CUX2: variants seen among roughly 807,000 people sequenced by gnomAD.
The protein encoded by CUX2 is homeobox protein cut-like 2.
Under a neutral mutation model 144.8 loss-of-function variants are expected in CUX2, and 40 were observed. The observed-to-expected ratio is 0.28, with a 90% CI of 0.21 to 0.36. The LOEUF is 0.36. Among genes scored for constraint, CUX2 ranks in the 10% least tolerant of loss-of-function variants. The probability of loss-of-function intolerance (pLI) is 1.00; values close to 1 mark genes in which losing one functional copy is unlikely to be tolerated. For missense variants in CUX2, 1,615 were observed against 1,994.0 expected, an observed-to-expected ratio of 0.81 and a Z score of 3.62; for synonymous variants, 827 against 875.6, an observed-to-expected ratio of 0.94 and a Z score of 0.98.
rs183164224 is a variant in CUX2, at chr12:111,282,349, G to A, written c.302-9069G>A. Among the ~76,000 whole-genome samples, 741 of 150,376 alleles carry A rather than the reference G, an allele frequency of 4.9e-3. 3 individuals carry two copies. The highest frequency in any genetic ancestry group is 0.013 in the African/African-American group (518 of 40,978). On this transcript the variant is annotated intron_variant, in intron 4 of 21. Transcript: ENST00000261726. ...AAAAAAAAAAAAAATACCACAGGCC[G>A]TGCGCCTTGGCTCACGCCTGTAATC... is the stretch of plus-strand genomic sequence containing the variant.
chr12:111,331,151 G>A (rs1888105873), intron 18 of CUX2, among the ~76,000 whole-genome samples: 1 of 151,968 alleles, frequency 6.6e-6, no homozygotes, highest in Non-Finnish European at 1.5e-5. Flanking sequence ...CCAAGACAAG[G>A]TGATAGACAT....
intron 21 of CUX2, among the ~76,000 whole-genome samples, chr12:111,342,425 G>A (rs1311127790): frequency 6.6e-6 from 1 of 151,694 alleles, no homozygotes; most frequent in Non-Finnish European, 1.5e-5. Context: ...AGGCTGCAGT[G>A]AGCCAAAATC....
At chr12:111,127,949 T>C (rs1329473694) in intron 1 of CUX2, among the ~76,000 whole-genome samples, 1 of 152,194 alleles carries the variant, frequency 6.6e-6, no homozygotes, top group Non-Finnish European at 1.5e-5. Flanking sequence ...TTCAGTTATC[T>C]CCACCTGGCC....
chr12:111,144,972 G>A lies in CUX2; in HGVS notation c.64-69228G>A, dbSNP rs1876569312. Among the ~76,000 whole-genome samples, 3 of 152,150 alleles carry A rather than the reference G, an allele frequency of 2.0e-5. No homozygotes were observed. In the South Asian group the frequency reaches 6.2e-4, roughly 32 times the overall value. On this transcript the variant is annotated intron_variant, in intron 1 of 21. Transcript: ENST00000261726. Reference sequence around the variant, plus strand: ...TCCACCTGGGATAGGCAGGGCAGAGGCTTCTGCTGGGAACTTGGGGAGTGC... The same window carrying A: ...TCCACCTGGGATAGGCAGGGCAGAGACTTCTGCTGGGAACTTGGGGAGTGC...
At chr12:111,259,618 C>T (rs997879724) in intron 3 of CUX2, among the ~76,000 whole-genome samples, 14 of 152,046 alleles carry the variant, frequency 9.2e-5, no homozygotes, top group Admixed American at 7.9e-4. Context: ...ATTCCCATCA[C>T]TTTGGGAGGC....
intron 1 of CUX2, among the ~76,000 whole-genome samples, chr12:111,201,699 GCC>G (rs1880608883): frequency 6.6e-6 from 1 of 152,186 alleles, no homozygotes; most frequent in Non-Finnish European, 1.5e-5. Flanking sequence ...CACCTTCTCA[GCC>G]CTGCATGCCA....
chr12:111,169,668 C>T (rs1005824199), intron 1 of CUX2, among the ~76,000 whole-genome samples: 1 of 152,144 alleles, frequency 6.6e-6, no homozygotes, highest in African/African-American at 2.4e-5. Context: ...CAGCCTGCTT[C>T]GCGTCACGTT....
In CUX2 at chr12:111,348,276, G is replaced by A. The variant is rs867822755; in HGVS notation, c.4412G>A (p.Arg1471Gln). The change falls in exon 22 of 22, where the codon CGA (arginine) becomes CAA (glutamine). Residue 1471 changes from arginine (R) to glutamine (Q), a missense_variant. Around this residue, in one of 12 missense-constraint regions of CUX2, gnomAD observed 298 missense variants for 330.4 expected, o/e 0.90. Coordinates refer to ENST00000261726, the MANE Select transcript of CUX2 (RefSeq NM_015267.4). ...GCCAATCTGAACAACATCATTTACC[G>A]AGTAGAGCGGGCTGCCAATCGGGAG... ...KMANLNNIIYRVERAANREEA... is the reference protein window; with the variant it reads ...KMANLNNIIYQVERAANREEA... 1 of 1,613,602 alleles carries A rather than the reference G, an allele frequency of 6.2e-7. No homozygotes were observed. The highest frequency in any genetic ancestry group is 8.5e-7 in the Non-Finnish European group (1 of 1,179,968).
chr12:111,123,292 C>T (rs1435979016), intron 1 of CUX2, among the ~76,000 whole-genome samples: 2 of 152,184 alleles, frequency 1.3e-5, no homozygotes, highest in South Asian at 2.1e-4. Flanking sequence ...AAGTGATTTT[C>T]GTGCCTCAGC....
At chr12:111,342,413 G>A (rs1042142771) in intron 21 of CUX2, among the ~76,000 whole-genome samples, 34 of 151,666 alleles carry the variant, frequency 2.2e-4, no homozygotes, top group Non-Finnish European at 4.4e-4. Context: ...CCCAGGAGGC[G>A]GAGGCTGCAG....
chr12:111,100,181 CTGTGTGTGTG>C (rs71881537), intron 1 of CUX2: 3 of 388,204 alleles, frequency 7.7e-6, no homozygotes, highest in Admixed American at 3.0e-5. Context: ...GAGCCTGTGA[CTGTGTGTGTG>C]TGTGTGTGTG....
chr12:111,105,518 C>T (rs916418982), intron 1 of CUX2, among the ~76,000 whole-genome samples: 8 of 152,050 alleles, frequency 5.3e-5, no homozygotes, highest in African/African-American at 9.7e-5. Flanking sequence ...TGCTCACGCA[C>T]GTGTGCATGT....
At chr12:111,135,572 A>G (rs1875824372) in intron 1 of CUX2, among the ~76,000 whole-genome samples, 1 of 152,270 alleles carries the variant, frequency 6.6e-6, no homozygotes, top group Non-Finnish European at 1.5e-5. Context: ...CAAAAGGTAG[A>G]ACCAACCCGC....
chr12:111,040,376 C>G (rs796849088), intron 1 of CUX2, among the ~76,000 whole-genome samples: 1 of 152,002 alleles, frequency 6.6e-6, no homozygotes, highest in Non-Finnish European at 1.5e-5. Flanking sequence ...GGATCTGCCC[C>G]ATTCTCTCAA....
chr12:111,308,329 C>G lies in CUX2; in HGVS notation c.1154C>G (p.Pro385Arg). The G allele has an allele frequency of 6.2e-7, 1 of 1,614,152 alleles. No individual in the cohort carries two copies. The highest frequency in any genetic ancestry group is 1.3e-5 in the African/African-American group (1 of 75,046). ...CTGGCCTCCAGCACCTGCAGCCTCC[C>G]CCAGGTAAGTGTCCCTGCCACCATC... Reference protein sequence around the residue: ...MKLASSTCSLPQGMAKPEDSL... With the variant: ...MKLASSTCSLRQGMAKPEDSL... The change falls in exon 13 of 22, where the codon CCC (proline) becomes CGC (arginine). Residue 385 changes from proline to arginine, a missense_variant. Around this residue, in one of 12 missense-constraint regions of CUX2, gnomAD observed 57 missense variants for 60.8 expected, o/e 0.94. Coordinates refer to ENST00000261726, the MANE Select transcript of CUX2 (RefSeq NM_015267.4).
intron 1 of CUX2, among the ~76,000 whole-genome samples, chr12:111,096,574 G>A (rs561166950): frequency 6.6e-6 from 1 of 152,130 alleles, no homozygotes; most frequent in South Asian, 2.1e-4. Context: ...CCTCTTCTCT[G>A]ATGCTTCACA....
At chr12:111,090,021 T>C (rs1336235108) in intron 1 of CUX2, among the ~76,000 whole-genome samples, 1 of 152,026 alleles carries the variant, frequency 6.6e-6, no homozygotes, top group African/African-American at 2.4e-5. Context: ...TCATGTGCAG[T>C]GGAGGGGAGC....
At chr12:111,168,513 C>T (rs891990581) in intron 1 of CUX2, among the ~76,000 whole-genome samples, 8 of 152,310 alleles carry the variant, frequency 5.3e-5, no homozygotes, top group Middle Eastern at 3.4e-3. Flanking sequence ...AACCTCGTCC[C>T]GTCGGTCAAG....
At chr12:111,323,710 G>T (rs1380998398) in intron 18 of CUX2, among the ~76,000 whole-genome samples, 13 of 152,000 alleles carry the variant, frequency 8.6e-5, no homozygotes, top group Non-Finnish European at 1.5e-5. Flanking sequence ...GATCACTTGA[G>T]CTGTGATCAT....
Sources: gnomAD v4.1 joint callset for allele counts (sites outside exome capture counted in the v4.1 genomes callset) on GRCh38, gnomAD v4.1.1 for gene constraint, gnomAD v4.1.1 regional missense constraint, MANE v1.5 for transcripts, NCBI Gene and HGNC (gene_info 2026-07-23, HGNC 2026-07-21) for gene names.